Variants in CCDC138 observed in about 807,000 individuals in gnomAD.
CCDC138 encodes the protein coiled-coil domain containing 138, also known as coiled-coil domain-containing protein 138.
A neutral mutation model predicts 82.3 loss-of-function variants in CCDC138; 66 were observed. That is an observed-to-expected ratio of 0.80 (90% CI 0.66 to 0.98). The LOEUF (loss-of-function observed/expected upper bound fraction) is 0.98, where lower values mean the gene tolerates loss of function less well. Among genes scored for constraint, CCDC138 ranks in the 50% least tolerant of loss-of-function variants. The pLI, the probability that CCDC138 is intolerant of heterozygous loss-of-function variation, is 0.00. For missense variants in CCDC138, 816 were observed against 758.9 expected (o/e 1.08, Z -0.88); for synonymous variants, 297 against 265.4 (o/e 1.12, Z -1.16).
chr2:108,821,704 G>T (rs1036051424), intron 10 of CCDC138, among the ~76,000 whole-genome samples: 1 of 151,832 alleles, frequency 6.6e-6, no homozygotes, highest in Non-Finnish European at 1.5e-5. Flanking sequence ...CAGTACTTTG[G>T]GAGGCTGAGA....
chr2:108,868,872 A>G (rs1198448805), intron 13 of CCDC138, among the ~76,000 whole-genome samples: 2 of 152,126 alleles, frequency 1.3e-5, no homozygotes, highest in Admixed American at 1.3e-4. Flanking sequence ...TTGCACCTGA[A>G]TTGGTTCCAT....
At chr2:108,853,961 TAATAA>T (rs1692064943) in intron 12 of CCDC138, among the ~76,000 whole-genome samples, 1 of 117,692 alleles carries the variant, frequency 8.5e-6, no homozygotes. Flanking sequence ...TAAATATATA[TAATAA>T]AATATATATA....
rs377661716 is a variant in CCDC138 at position 108,838,219 on chromosome 2, C to T, written c.1207-966C>T. On this transcript the variant is annotated intron_variant, in intron 10 of 14. Coordinates refer to ENST00000295124, the MANE Select transcript of CCDC138 (RefSeq NM_144978.3). ...TGTCTATCAGAGGCATACTCTAGGC[C>T]GAGCACTTTGCTGTATCTAAGAATT... Among the ~76,000 whole-genome samples the T allele has an allele frequency of 3.3e-3, 500 of 152,166 alleles. 1 individual carries two copies. Among genetic ancestry groups the T allele is most frequent in the African/African-American group, 0.011 (471 of 41,528 alleles).
chr2:108,824,173 TTTTC>T (rs1208238916), intron 10 of CCDC138, among the ~76,000 whole-genome samples: 2 of 151,514 alleles, frequency 1.3e-5, no homozygotes, highest in Non-Finnish European at 2.9e-5. Context: ...AAAAAAAATT[TTTTC>T]TTCATTAACA....
chr2:108,789,161 T>C (rs1573895511), intron 3 of CCDC138, among the ~76,000 whole-genome samples, 195 bp downstream of exon 3: 1 of 152,240 alleles, frequency 6.6e-6, no homozygotes, highest in Non-Finnish European at 1.5e-5. Flanking sequence ...AATAAAAGCA[T>C]AGACCTAGCA....
chr2:108,834,273 C>T (rs948334558), intron 10 of CCDC138, among the ~76,000 whole-genome samples: 2 of 148,740 alleles, frequency 1.3e-5, no homozygotes, highest in Non-Finnish European at 3.0e-5. Flanking sequence ...AGTGCAGTGG[C>T]GCAATCTCGG....
At position 108,871,370 on chromosome 2, in the gene CCDC138, TAAAAAAAAA is replaced by T. The variant is rs59725353; in HGVS notation, c.1694-2064_1694-2056del. ...CAACATGATGAAACCCCAACTCTAT[TAAAAAAAAA>T]AAAAAAAAAAAAAAAATAGAAAAAT... On this transcript the variant is annotated intron_variant, in intron 13 of 14. Coordinates refer to ENST00000295124, the MANE Select transcript of CCDC138 (RefSeq NM_144978.3). Among the ~76,000 whole-genome samples, 7 of 76,648 alleles carry T rather than the reference TAAAAAAAAA, an allele frequency of 9.1e-5. No homozygotes were observed. The South Asian group carries it at 1.8e-3, about 20-fold the overall frequency. 50.3% of individuals were successfully genotyped at this position (76,648 alleles called of 152,430 possible).
At chr2:108,864,208 C>G (rs1011132835) in intron 13 of CCDC138, among the ~76,000 whole-genome samples, 1 of 151,548 alleles carries the variant, frequency 6.6e-6, no homozygotes, top group Non-Finnish European at 1.5e-5. Flanking sequence ...TAAAATCTAA[C>G]CCACCAATTA....
At chr2:108,787,283 A>G (rs1207561593) in intron 1 of CCDC138, among the ~76,000 whole-genome samples, 1 of 152,200 alleles carries the variant, frequency 6.6e-6, no homozygotes, top group African/African-American at 2.4e-5. Flanking sequence ...TTGCTGCAGT[A>G]TTACCAAGAA....
chr2:108,871,480 G>C (rs1043227804), intron 13 of CCDC138, among the ~76,000 whole-genome samples: 2 of 151,968 alleles, frequency 1.3e-5, no homozygotes, highest in Non-Finnish European at 2.9e-5. Flanking sequence ...TGAACCCAGA[G>C]GGAGGAGGCT....
chr2:108,814,858 T>C (rs1684491607), intron 9 of CCDC138, among the ~76,000 whole-genome samples: 1 of 151,800 alleles, frequency 6.6e-6, no homozygotes, highest in African/African-American at 2.4e-5. Flanking sequence ...CTGGTTTCAA[T>C]CTCCTGACCT....
rs182419346 is a variant in CCDC138, at chr2:108,787,919, A to G, written c.94-113A>G. On this transcript the variant is annotated intron_variant, in intron 1 of 14. Transcript: ENST00000295124. ...TGATCACTTGGTTAAGATGGTGTCT[A>G]CAAGATTTCTCCACTCTAACCTTTG... 2.5e-5 allele frequency: 23 copies of G among 919,966 alleles called. No homozygotes were observed. In the East Asian group the frequency reaches 6.4e-4, roughly 25 times the overall value. The allele number at this position is 919,966 out of a possible 1,614,324, so 57.0% of individuals were successfully genotyped here.
At position 108,794,549 on chromosome 2, in the gene CCDC138, C is replaced by G; in HGVS notation, c.404C>G (p.Pro135Arg). ...GTTATTTTCTTTGCAGTTGCCTTGCCAACTAATACGACCTCATCGAGACCT... is the reference window on the plus strand; with the variant it reads ...GTTATTTTCTTTGCAGTTGCCTTGCGAACTAATACGACCTCATCGAGACCT... ...SFKEIEKVAL[P>R]TNTTSSRPRT... is the part of the protein sequence containing the mutation. Residue 135 changes from proline (P) to arginine (R), a missense_variant, in exon 5 of 15, where the codon CCA (proline) becomes CGA (arginine). Pro to Arg is a moderately radical substitution (Grantham distance 103). Coordinates refer to ENST00000295124, the MANE Select transcript of CCDC138 (RefSeq NM_144978.3). 3.8e-6 allele frequency: 6 copies of G among 1,593,972 alleles called. No individual in the cohort carries two copies. The highest frequency in any genetic ancestry group is 5.1e-6 in the Non-Finnish European group (6 of 1,170,562).
At position 108,820,329 on chromosome 2, in the gene CCDC138, A is replaced by C. The variant is rs146586523; in HGVS notation, c.1206+4224A>C. Reference sequence around the variant, plus strand: ...AAAGTGACGACAGTCTGAGGGACTTATGGGAGATCATCAAGTGAACCACTA... The same window carrying C: ...AAAGTGACGACAGTCTGAGGGACTTCTGGGAGATCATCAAGTGAACCACTA... On this transcript the variant is annotated intron_variant, in intron 10 of 14. Coordinates refer to ENST00000295124, the MANE Select transcript of CCDC138 (RefSeq NM_144978.3). Among the ~76,000 whole-genome samples the C allele has an allele frequency of 3.2e-3, 486 of 152,322 alleles. 2 individuals carry two copies. The highest frequency in any genetic ancestry group is 0.011 in the African/African-American group (444 of 41,580).
At chr2:108,834,537 A>G (rs540936677) in intron 10 of CCDC138, among the ~76,000 whole-genome samples, 1 of 152,262 alleles carries the variant, frequency 6.6e-6, no homozygotes, top group South Asian at 2.1e-4. Flanking sequence ...TTTATACACT[A>G]AGTATTGTCA....
At chr2:108,838,602 C>A (rs1232545764) in intron 10 of CCDC138, among the ~76,000 whole-genome samples, 1 of 152,046 alleles carries the variant, frequency 6.6e-6, no homozygotes, top group Non-Finnish European at 1.5e-5. Context: ...AAATGATATA[C>A]TTTTGAAGCA....
At chr2:108,825,219 A>AC (rs753319060) in intron 10 of CCDC138, among the ~76,000 whole-genome samples, 14 of 152,102 alleles carry the variant, frequency 9.2e-5, no homozygotes, top group Non-Finnish European at 1.9e-4. Context: ...AGACACAAAA[A>AC]CCAAGAGCAC....
chr2:108,860,934 A>ATTTTTTTTT (rs1204225298), intron 13 of CCDC138, among the ~76,000 whole-genome samples: 33 of 11,366 alleles, frequency 2.9e-3, no homozygotes, highest in Non-Finnish European at 6.5e-3. Context: ...CTGGTCCAGG[A>ATTTTTTTTT]CTTTTTTTTT....
At chr2:108,860,935 C>CTTTTTGTTTTTTTTT (rs1693478466) in intron 13 of CCDC138, among the ~76,000 whole-genome samples, 1 of 37,914 alleles carries the variant, frequency 2.6e-5, no homozygotes, top group Non-Finnish European at 4.4e-5. Flanking sequence ...TGGTCCAGGA[C>CTTTTTGTTTTTTTTT]TTTTTTTTTT....
Sources: gnomAD v4.1 joint callset for allele counts (sites outside exome capture counted in the v4.1 genomes callset) on GRCh38, gnomAD v4.1.1 for gene constraint, MANE v1.5 for transcripts, NCBI Gene and HGNC (gene_info 2026-07-23, HGNC 2026-07-21) for gene names.